The following ADGRE2 variants were observed in gnomAD, a reference collection of about 807,000 sequenced individuals.
ADGRE2 encodes adhesion G protein-coupled receptor E2, also known as CD97 antigen.
ADGRE2 carries 83 observed loss-of-function variants against 100.8 expected under a neutral mutation model. The ratio of observed to expected loss-of-function variants is 0.82; its 90% CI spans 0.69 to 0.99. The LOEUF is 0.99. Among genes scored for constraint, ADGRE2 ranks in the 50% least tolerant of loss-of-function variants. The pLI is 0.00. For synonymous variants in ADGRE2, 355 were observed against 413.0 expected (o/e 0.86, Z 1.70); for missense variants, 814 against 1,035.7 (o/e 0.79, Z 2.94).
In ADGRE2 at chr19:14,776,854, G is replaced by A. The variant is rs555608099; in HGVS notation, c.-98C>T. On this transcript the variant is annotated 5_prime_UTR_variant, in exon 2 of 21. Coordinates refer to ENST00000315576, the MANE Select transcript of ADGRE2 (RefSeq NM_013447.4). ...GCTGGGCAGCTGTGCGGGCTGTCCCGAGGCCAGGACTTTATAAAGGAGGGG... is the reference window on the plus strand; with the variant it reads ...GCTGGGCAGCTGTGCGGGCTGTCCCAAGGCCAGGACTTTATAAAGGAGGGG... 1.9e-6 allele frequency: 3 copies of A among 1,571,658 alleles called. No individual in the cohort carries two copies. The highest frequency in any genetic ancestry group is 1.9e-5 in the Admixed American group (1 of 53,596).
intron 11 of ADGRE2, among the ~76,000 whole-genome samples, chr19:14,758,442 G>T (rs1222387245): frequency 6.6e-6 from 1 of 152,218 alleles, no homozygotes; most frequent in African/African-American, 2.4e-5. Context: ...AGTTATCAGG[G>T]AAGGGCAAAT....
intron 11 of ADGRE2, among the ~76,000 whole-genome samples, chr19:14,759,671 AT>A (rs1044813825): frequency 1.3e-4 from 19 of 150,134 alleles, no homozygotes; most frequent in African/African-American, 4.2e-4. Context: ...TAATTTTTGT[AT>A]TTTTAATAGC....
chr19:14,745,765 C>T (rs1005872410), intron 18 of ADGRE2, among the ~76,000 whole-genome samples: 5 of 152,076 alleles, frequency 3.3e-5, no homozygotes, highest in African/African-American at 1.2e-4. Context: ...CCACCATGCC[C>T]GGCTAACTTT....
intron 20 of ADGRE2, among the ~76,000 whole-genome samples, chr19:14,738,905 G>C (rs545138228): frequency 6.6e-6 from 1 of 151,746 alleles, no homozygotes; most frequent in South Asian, 2.1e-4. Flanking sequence ...AAACAAGACT[G>C]CAGAAAGCCA....
rs994249363 is a variant in ADGRE2, at chr19:14,751,659, T to C, written c.1801A>G (p.Ile601Val). The C allele has an allele frequency of 6.2e-7, 1 of 1,613,836 alleles. No homozygotes were observed. The change falls in exon 16 of 21, where the codon ATC becomes GTC. Residue 601 changes from isoleucine to valine, a missense_variant. Ile to Val is a conservative substitution (Grantham distance 29). Transcript: ENST00000315576. Reference protein sequence around the residue: ...DQTGHKVLCSIIAGTLHYLYL... With the variant: ...DQTGHKVLCSVIAGTLHYLYL... ...AGATAGTGCAAGGTACCGGCGATGA[T>C]GGAGCACAGCACCTGGCGGAGAAGT...
intron 14 of ADGRE2, among the ~76,000 whole-genome samples, chr19:14,753,290 G>A (rs534288686): frequency 2.6e-4 from 39 of 152,142 alleles, no homozygotes; most frequent in Non-Finnish European, 4.1e-4. Flanking sequence ...GACTTGTGGA[G>A]GGGGGAGCTA....
intron 11 of ADGRE2, among the ~76,000 whole-genome samples, chr19:14,761,112 C>G (rs2043703354): frequency 6.6e-6 from 1 of 152,058 alleles, no homozygotes; most frequent in African/African-American, 2.4e-5. Flanking sequence ...TGTATAAAAC[C>G]AAGTTGCGGG....
intron 11 of ADGRE2, among the ~76,000 whole-genome samples, chr19:14,761,131 T>C (rs1489716310): frequency 6.6e-6 from 1 of 152,142 alleles, no homozygotes; most frequent in East Asian, 1.9e-4. Flanking sequence ...GGGGCAGGCG[T>C]GGTGTCTCAC....
chr19:14,764,756 C>G (rs527855795), intron 10 of ADGRE2, 146 bp from the exon 11 acceptor site: 4 of 817,132 alleles, frequency 4.9e-6, no homozygotes, highest in East Asian at 5.4e-5. Context: ...CGGTGGCTCA[C>G]GCCTCTAATT....
rs751384950 is a variant in ADGRE2 at position 14,743,507 on chromosome 19, C to T, written c.2376G>A (p.Trp792Ter). The T allele has an allele frequency of 1.9e-6, 3 of 1,613,958 alleles. No homozygotes were observed. The highest frequency in any genetic ancestry group is 2.2e-5 in the East Asian group (1 of 44,894). Residue 792 changes from tryptophan (W) to a stop codon, truncating the protein, a stop_gained, in exon 20 of 21, where the codon TGG becomes TGA. Transcript: ENST00000315576. LOFTEE classifies it high-confidence loss of function. Reference protein sequence around the residue: ...SQQVREQYGKWSKGIRKLKTE... With the variant: ...SQQVREQYGK ...TTTTCAATTTCCTGATCCCTTTGGA[C>T]CATTTCCCATATTGCTCCCGGACCT...
intron 20 of ADGRE2, among the ~76,000 whole-genome samples, chr19:14,738,463 T>C (rs751049410): frequency 2.9e-4 from 44 of 152,100 alleles, no homozygotes; most frequent in Non-Finnish European, 4.9e-4. Flanking sequence ...ACTGGATACT[T>C]GACCTCCTGG....
intron 18 of ADGRE2, 109 bp downstream of exon 18, chr19:14,746,123 G>T (rs1186746036): frequency 9.1e-6 from 6 of 659,870 alleles, no homozygotes; most frequent in African/African-American, 3.8e-5. Context: ...TTTTTTCTGG[G>T]TCCCTTCAAA....
rs185356117 is a variant in ADGRE2, at chr19:14,746,855, C to T, written c.2091+41G>A. ...TTTATTATCTTGTTTTTCTAATGAC[C>T]CTCAGCGGGGCAGCGAGGATGCTCA... On this transcript the variant is annotated intron_variant, in intron 17 of 20. Transcript: ENST00000315576. 1.7e-3 allele frequency: 2,633 copies of T among 1,583,372 alleles called. 6 individuals carry two copies. The highest frequency in any genetic ancestry group is 2.1e-3 in the Non-Finnish European group (2,463 of 1,154,606).
At chr19:14,749,021 A>G (rs971778145) in intron 16 of ADGRE2, among the ~76,000 whole-genome samples, 10 of 151,980 alleles carry the variant, frequency 6.6e-5, no homozygotes, top group African/African-American at 2.4e-4. Context: ...TTAATAGAAT[A>G]AAGGATTAAA....
At chr19:14,731,048 T>C (rs2042666912), downstream of ADGRE2, 1 of 756,004 alleles carries the variant, frequency 1.3e-6, no homozygotes, top group Admixed American at 2.1e-5. Flanking sequence ...TCATAGGCAG[T>C]CCCTTACATG....
At position 14,776,861 on chromosome 19, in the gene ADGRE2, G is replaced by A. The variant is rs2044463073; in HGVS notation, c.-105C>T. The A allele has an allele frequency of 1.3e-6, 2 of 1,559,898 alleles. No individual in the cohort carries two copies. The highest frequency in any genetic ancestry group is 1.7e-6 in the Non-Finnish European group (2 of 1,152,292). The stretch of plus-strand genomic sequence containing the variant: ...AGCTGTGCGGGCTGTCCCGAGGCCA[G>A]GACTTTATAAAGGAGGGGGGGCGGA... On this transcript the variant is annotated 5_prime_UTR_variant, in exon 2 of 21. Coordinates refer to ENST00000315576, the MANE Select transcript of ADGRE2 (RefSeq NM_013447.4).
At position 14,733,935 on chromosome 19, in the gene ADGRE2, C is replaced by G. The variant is rs1056911556; in HGVS notation, c.*2301G>C. The G allele has an allele frequency of 6.6e-6, 1 of 152,150 alleles. No individual in the cohort carries two copies. The highest frequency in any genetic ancestry group is 2.4e-5 in the African/African-American group (1 of 41,440). The allele number at this position is 152,150 out of a possible 1,614,324, so 9.4% of individuals were successfully genotyped here. A position where few individuals can be genotyped will look rare whatever the true frequency, so the allele number is the denominator to read the frequency against. ...GTAGCATTCAAAGTTCTCCAAAGCC[C>G]CTAAATCAATACTCATTGAGCTTAT... On this transcript the variant is annotated 3_prime_UTR_variant, in exon 21 of 21. Coordinates refer to ENST00000315576, the MANE Select transcript of ADGRE2 (RefSeq NM_013447.4).
chr19:14,770,363 G>A (rs1461913575), intron 5 of ADGRE2, among the ~76,000 whole-genome samples: 1 of 152,254 alleles, frequency 6.6e-6, no homozygotes, highest in East Asian at 1.9e-4. Context: ...CTCACCAGAA[G>A]CAGATGCTGG....
At chr19:14,771,621 CTTATTTAT>C (rs369899556) in intron 5 of ADGRE2, among the ~76,000 whole-genome samples, 182 of 143,592 alleles carry the variant, frequency 1.3e-3, no homozygotes, top group Middle Eastern at 7.0e-3. Flanking sequence ...GCATCCATTG[CTTATTTAT>C]TTATTTATTT....
Sources: allele counts gnomAD v4.1 joint callset (sites outside exome capture counted in the v4.1 genomes callset), GRCh38; gene constraint gnomAD v4.1.1; transcripts MANE v1.5; gene names NCBI Gene and HGNC (gene_info 2026-07-23, HGNC 2026-07-21).